Variants in CD46 observed in about 807,000 individuals in gnomAD.
CD46 encodes the protein membrane cofactor protein.
A neutral mutation model predicts 53.3 loss-of-function variants in CD46; 30 were observed. That is an observed-to-expected ratio of 0.56 (90% CI 0.42 to 0.76). The LOEUF (loss-of-function observed/expected upper bound fraction) is 0.76. Ranked by LOEUF, CD46 falls within the 30% of genes least tolerant of loss-of-function variation. The pLI is 0.00. For missense variants in CD46, 409 were observed against 463.0 expected, an observed-to-expected ratio of 0.88 and a Z score of 1.07; for synonymous variants, 142 against 152.0, an observed-to-expected ratio of 0.93 and a Z score of 0.48.
At chr1:207,764,924 G>A (rs1378120548) in intron 5 of CD46, among the ~76,000 whole-genome samples, 1 of 152,094 alleles carries the variant, frequency 6.6e-6, no homozygotes, top group African/African-American at 2.4e-5. Flanking sequence ...GCAAGAGGAG[G>A]GAACACTTCT....
intron 8 of CD46, among the ~76,000 whole-genome samples, chr1:207,781,599 T>C (rs927176858): frequency 3.9e-5 from 6 of 152,208 alleles, no homozygotes; most frequent in African/African-American, 1.4e-4. Context: ...TGAGTTTGTG[T>C]TTGTATATGA....
At chr1:207,770,726 A>G (rs1186759190) in intron 8 of CD46, among the ~76,000 whole-genome samples, 1 of 152,220 alleles carries the variant, frequency 6.6e-6, no homozygotes, top group African/African-American at 2.4e-5. Context: ...TGCAAAGGAC[A>G]TGAACTCATC....
rs985117134 is a variant in CD46, at chr1:207,793,810, A to G, written c.*333A>G. 2 of 613,132 alleles carry G rather than the reference A, an allele frequency of 3.3e-6. No individual in the cohort carries two copies. Among genetic ancestry groups the G allele is most frequent in the Non-Finnish European group, 6.0e-6 (2 of 333,910 alleles). The allele number at this position is 613,132 out of a possible 1,614,324, so 38.0% of individuals were successfully genotyped here. On this transcript the variant is annotated 3_prime_UTR_variant, in exon 13 of 13. Coordinates refer to ENST00000367042, the MANE Select transcript of CD46 (RefSeq NM_172351.3). Reference sequence around the variant, plus strand: ...TTTCCCTTAAATAACACTTAGATTTATTGGACCAGTCAGCACAGCATGCCT... The same window carrying G: ...TTTCCCTTAAATAACACTTAGATTTGTTGGACCAGTCAGCACAGCATGCCT...
intron 12 of CD46, 49 bp from the exon 13 acceptor site, chr1:207,793,470 T>G (rs771559461): frequency 7.2e-7 from 1 of 1,388,118 alleles, no homozygotes; most frequent in Non-Finnish European, 1.0e-6. Flanking sequence ...TTAATTTCTG[T>G]ACTTAATTAT....
Position 207,752,350 on chromosome 1 carries a change from A to G in CD46, c.97+41A>G. 1 of 1,570,596 alleles carries G rather than the reference A, an allele frequency of 6.4e-7. No individual in the cohort carries two copies. Among genetic ancestry groups the G allele is most frequent in the Non-Finnish European group, 8.8e-7 (1 of 1,141,194 alleles). The stretch of plus-strand genomic sequence containing the variant: ...GGGTTCGCGCGTCCGCGGCGAGACT[A>G]GAGCTCTCCTCAGTCGGGCAAGAGT... On this transcript the variant is annotated intron_variant, in intron 1 of 12. Transcript: ENST00000367042. The surrounding 1 kb of genome is among the most constrained non-coding windows in gnomAD (Gnocchi z 4.1).
At position 207,752,453 on chromosome 1, in the gene CD46, G is replaced by A. The variant is rs1019664646; in HGVS notation, c.97+144G>A. 7 of 807,428 alleles carry A rather than the reference G, an allele frequency of 8.7e-6. No individual in the cohort carries two copies. The highest frequency in any genetic ancestry group is 1.5e-5 in the Non-Finnish European group (7 of 468,940). The allele number at this position is 807,428 out of a possible 1,614,324, so 50.0% of individuals were successfully genotyped here. ...AGGGGTGCAGTGCTCAGATCCCGGG[G>A]GTATGTGGCGGGGAATGCGGGGACC... On this transcript the variant is annotated intron_variant, in intron 1 of 12. Transcript: ENST00000367042. The surrounding 1 kb of genome is among the most constrained non-coding windows in gnomAD (Gnocchi z 4.1).
chr1:207,768,323 T>C (rs927629329), intron 7 of CD46: 5 of 159,680 alleles, frequency 3.1e-5, no homozygotes, highest in African/African-American at 9.6e-5. Flanking sequence ...TCAACTTTGC[T>C]ATTTTATTCT....
intron 11 of CD46, 35 bp downstream of exon 11, chr1:207,785,717 CCTT>C: frequency 3.0e-6 from 4 of 1,322,762 alleles, no homozygotes; most frequent in Non-Finnish European, 4.4e-6. Flanking sequence ...ACTTCTTGGT[CCTT>C]CTTATACTTA....
intron 8 of CD46, among the ~76,000 whole-genome samples, chr1:207,780,734 T>G (rs747008185): frequency 1.3e-5 from 2 of 152,150 alleles, no homozygotes; most frequent in Admixed American, 6.5e-5. Flanking sequence ...ATTAAATTGT[T>G]TTTTTAGTAA....
At chr1:207,755,051 G>C (rs1051093580) in intron 1 of CD46, among the ~76,000 whole-genome samples, 3 of 151,722 alleles carry the variant, frequency 2.0e-5, no homozygotes, top group Non-Finnish European at 4.4e-5. Flanking sequence ...AGCCCCTCAT[G>C]GTCAAGGCTG....
At position 207,779,913 on chromosome 1, in the gene CD46, C is replaced by CTTTTTTTTTTTTTTTTTTTTTTTTTTTT. The variant is rs66758503; in HGVS notation, c.944-3360_944-3359insTTTTTTTTTTTTTTTTTTTTTTTTTTTT. On this transcript the variant is annotated intron_variant, in intron 8 of 12. Coordinates refer to ENST00000367042, the MANE Select transcript of CD46 (RefSeq NM_172351.3). Reference sequence around the variant, plus strand: ...TTCTATTCTTGTAGCAAAAGCAAGTCTTTTTTTTTTTTTTTTTTTACTGTA... The same window carrying CTTTTTTTTTTTTTTTTTTTTTTTTTTTT: ...TTCTATTCTTGTAGCAAAAGCAAGTCTTTTTTTTTTTTTTTTTTTTTTTTTTTTTTTTTTTTTTTTTTTTTTTACTGTA... Among the ~76,000 whole-genome samples, 31 of 62,382 alleles carry CTTTTTTTTTTTTTTTTTTTTTTTTTTTT rather than the reference C, an allele frequency of 5.0e-4. 3 individuals are homozygous for CTTTTTTTTTTTTTTTTTTTTTTTTTTTT. Among genetic ancestry groups the CTTTTTTTTTTTTTTTTTTTTTTTTTTTT allele is most frequent in the Admixed American group, 1.0e-3 (6 of 5,900 alleles). 40.9% of individuals were successfully genotyped at this position (62,382 alleles called of 152,430 possible). A position where few individuals can be genotyped will look rare whatever the true frequency, so the allele number is the denominator to read the frequency against.
chr1:207,783,448 A>G, intron 9 of CD46, 118 bp downstream of exon 9: 8 of 717,716 alleles, frequency 1.1e-5, no homozygotes, highest in Non-Finnish European at 2.1e-5. Context: ...ACTTTCTTAA[A>G]TGCTGTGTTT....
Position 207,752,398 on chromosome 1 carries a change from G to A in CD46, c.97+89G>A, listed in dbSNP as rs1655022502. The stretch of plus-strand genomic sequence containing the variant: ...AGTCGCGGGGCGGGGCTCACAGCAG[G>A]CCGTGCCTGTTTGGGGACAGGGTTC... On this transcript the variant is annotated intron_variant, in intron 1 of 12. Coordinates refer to ENST00000367042, the MANE Select transcript of CD46 (RefSeq NM_172351.3). The surrounding 1 kb of genome is among the most constrained non-coding windows in gnomAD (Gnocchi z 4.1). 2 of 1,245,730 alleles carry A rather than the reference G, an allele frequency of 1.6e-6. No homozygotes were observed. The highest frequency in any genetic ancestry group is 2.4e-6 in the Non-Finnish European group (2 of 850,354). The allele number at this position is 1,245,730 out of a possible 1,614,324, so 77.2% of individuals were successfully genotyped here. A position where few individuals can be genotyped will look rare whatever the true frequency, so the allele number is the denominator to read the frequency against.
chr1:207,754,223 G>C (rs113332538), intron 1 of CD46, among the ~76,000 whole-genome samples: 2 of 152,122 alleles, frequency 1.3e-5, no homozygotes, highest in African/African-American at 4.8e-5. Flanking sequence ...GAGAGGGAAG[G>C]CTTCTCTGCT....
In CD46 at chr1:207,752,432, G is replaced by A; in HGVS notation, c.97+123G>A. The A allele has an allele frequency of 1.1e-6, 1 of 913,006 alleles. No homozygotes were observed. Among genetic ancestry groups the A allele is most frequent in the Admixed American group, 1.7e-5 (1 of 58,070 alleles). The allele number at this position is 913,006 out of a possible 1,614,324, so 56.6% of individuals were successfully genotyped here. A position where few individuals can be genotyped will look rare whatever the true frequency, so the allele number is the denominator to read the frequency against. ...GTTTGGGGACAGGGTTCTCTGAGGG[G>A]TGCAGTGCTCAGATCCCGGGGGTAT... On this transcript the variant is annotated intron_variant, in intron 1 of 12. Transcript: ENST00000367042. The surrounding 1 kb of genome is among the most constrained non-coding windows in gnomAD (Gnocchi z 4.1).
Position 207,790,357 on chromosome 1 carries a change from C to A in CD46, c.*41+12C>A, listed in dbSNP as rs979688897. ...TTTATCATTAAAAGGTATCTGTTTT[C>A]TGTTGTTTATTTTCAGATGTCCTTT... On this transcript the variant is annotated intron_variant, in intron 12 of 12. Transcript: ENST00000367042. 1.5e-6 allele frequency: 2 copies of A among 1,349,116 alleles called. No individual in the cohort carries two copies. Among genetic ancestry groups the A allele is most frequent in the Non-Finnish European group, 2.1e-6 (2 of 940,766 alleles). The allele number at this position is 1,349,116 out of a possible 1,614,324, so 83.6% of individuals were successfully genotyped here. A position where few individuals can be genotyped will look rare whatever the true frequency, so the allele number is the denominator to read the frequency against.
At chr1:207,754,592 C>T (rs971721484) in intron 1 of CD46, among the ~76,000 whole-genome samples, 2 of 152,104 alleles carry the variant, frequency 1.3e-5, no homozygotes, top group Non-Finnish European at 2.9e-5. Context: ...TACTATTTGG[C>T]TGGGGCTTAG....
At chr1:207,773,398 G>C (rs1487158704) in intron 8 of CD46, among the ~76,000 whole-genome samples, 2 of 152,102 alleles carry the variant, frequency 1.3e-5, no homozygotes, top group African/African-American at 4.8e-5. Context: ...ACCTCCTTCA[G>C]TTCTGCTCTG....
chr1:207,752,246 C>G lies in CD46; in HGVS notation c.34C>G (p.Pro12Ala). ...TCCCGGCCGCCGCGAGTGTCCCTTT[C>G]CTTCCTGGCGCTTTCCTGGGTTGCT... ...EPPGRRECPF[P>A]SWRFPGLLLA... Residue 12 changes from proline to alanine, a missense_variant, in exon 1 of 13, where the codon CCT (proline) becomes GCT (alanine). Coordinates refer to ENST00000367042, the MANE Select transcript of CD46 (RefSeq NM_172351.3). This position sits in a 1 kb window ranked among gnomAD's most constrained non-coding sequence, Gnocchi z 4.1. 6.2e-7 allele frequency: 1 copy of G among 1,614,146 alleles called. No homozygotes were observed. Among genetic ancestry groups the G allele is most frequent in the Non-Finnish European group, 8.5e-7 (1 of 1,180,020 alleles).
Sources: gnomAD v4.1 joint callset for allele counts (sites outside exome capture counted in the v4.1 genomes callset) on GRCh38, gnomAD v4.1.1 for gene constraint, Gnocchi (gnomAD v3.1) non-coding constraint, MANE v1.5 for transcripts, NCBI Gene and HGNC (gene_info 2026-07-23, HGNC 2026-07-21) for gene names.